Variants in MED21 observed in about 807,000 individuals in gnomAD.
The protein encoded by MED21 is mediator complex subunit 21.
Under a neutral mutation model 18.2 loss-of-function variants are expected in MED21, and 9 were observed. The ratio of observed to expected loss-of-function variants is 0.49; its 90% CI spans 0.30 to 0.86. MED21 has a LOEUF of 0.86. Ranked by LOEUF, MED21 falls within the 40% of genes least tolerant of loss-of-function variation. The probability of loss-of-function intolerance (pLI) is 0.07; values close to 1 mark genes in which losing one functional copy is unlikely to be tolerated. For missense variants in MED21, 150 were observed against 170.9 expected (o/e 0.88, Z 0.68); for synonymous variants, 73 against 60.5 (o/e 1.21, Z -0.96).
chr12:27,022,967 T>C, intron 1 of MED21: 1 of 1,100,472 alleles, frequency 9.1e-7, no homozygotes, highest in Non-Finnish European at 1.1e-6. Flanking sequence ...TTCTCTTTCT[T>C]TTGGGGGTTG....
At position 27,027,422 on chromosome 12, in the gene MED21, G is replaced by A. The variant is rs771415706; in HGVS notation, c.233G>A (p.Ser78Asn). ...DIDVLIDSLP[S>N]EESTAALQAA... is the part of the protein sequence containing the mutation. Reference sequence around the variant, plus strand: ...GATGTTTTGATAGATTCCTTACCCAGTGAAGAATCTACAGCTGCTTTACAG... The same window carrying A: ...GATGTTTTGATAGATTCCTTACCCAATGAAGAATCTACAGCTGCTTTACAG... Residue 78 changes from serine to asparagine, a missense_variant, in exon 3 of 4, where the codon AGT (serine) becomes AAT (asparagine). Ser to Asn is a conservative substitution (Grantham distance 46). Transcript: ENST00000282892. 6.2e-7 allele frequency: 1 copy of A among 1,613,408 alleles called. No individual in the cohort carries two copies. Among genetic ancestry groups the A allele is most frequent in the East Asian group, 2.2e-5 (1 of 44,850 alleles).
chr12:27,036,380 C>G (rs1271632893), intron 2 of MED21, among the ~76,000 whole-genome samples: 1 of 152,260 alleles, frequency 6.6e-6, no homozygotes, highest in Non-Finnish European at 1.5e-5. Context: ...TTCTCCCATT[C>G]TGTAGGTTGC....
chr12:27,032,018 T>G (rs1941622752), downstream of MED21, among the ~76,000 whole-genome samples: 1 of 152,212 alleles, frequency 6.6e-6, no homozygotes, highest in South Asian at 2.1e-4. Flanking sequence ...TACCCAGCTT[T>G]GAGAGGACCA....
downstream of MED21, among the ~76,000 whole-genome samples, chr12:27,031,948 G>T (rs1941622195): frequency 6.6e-6 from 1 of 152,148 alleles, no homozygotes; most frequent in Non-Finnish European, 1.5e-5. Context: ...GGATATGACT[G>T]TTGGATTAGG....
At position 27,029,094 on chromosome 12, in the gene MED21, G is replaced by C; in HGVS notation, c.*633G>C. 3.0e-6 allele frequency: 3 copies of C among 985,356 alleles called. No homozygotes were observed. Among genetic ancestry groups the C allele is most frequent in the Non-Finnish European group, 3.6e-6 (3 of 829,890 alleles). The allele number at this position is 985,356 out of a possible 1,614,324, so 61.0% of individuals were successfully genotyped here. A position where few individuals can be genotyped will look rare whatever the true frequency, so the allele number is the denominator to read the frequency against. On this transcript the variant is annotated 3_prime_UTR_variant, in exon 4 of 4. Coordinates refer to ENST00000282892, the MANE Select transcript of MED21 (RefSeq NM_004264.5). Reference sequence around the variant, plus strand: ...AGAGAATTTCCTGGCTGTTGTGAAAGAATTTTTCTACATCCTGAACTATTT... The same window carrying C: ...AGAGAATTTCCTGGCTGTTGTGAAACAATTTTTCTACATCCTGAACTATTT...
At position 27,037,965 on chromosome 12, in the gene MED21, A is replaced by G. The variant is rs181206107; in HGVS notation, n.147-8189A>G. 1.4e-4 allele frequency: 21 copies of G among 152,316 alleles called. 1 individual carries two copies. Among genetic ancestry groups the G allele is most frequent in the Admixed American group, 1.4e-3 (21 of 15,302 alleles). The allele number at this position is 152,316 out of a possible 1,614,324, so 9.4% of individuals were successfully genotyped here. Reference sequence around the variant, plus strand: ...AGAGGAGAAACAGCAAAGAATTTTTAAAATATAAAGGGTATGTACAAAACT... The same window carrying G: ...AGAGGAGAAACAGCAAAGAATTTTTGAAATATAAAGGGTATGTACAAAACT... On this transcript the variant is annotated intron_variant and non_coding_transcript_variant, in intron 2 of 4. Transcript: ENST00000538186.
In MED21 at chr12:27,030,319, G is replaced by A. The variant is rs576198453; in HGVS notation, c.*1858G>A. 96 of 474,862 alleles carry A rather than the reference G, an allele frequency of 2.0e-4. No homozygotes were observed. The highest frequency in any genetic ancestry group is 3.1e-4 in the Non-Finnish European group (82 of 265,934). 29.4% of individuals were successfully genotyped at this position (474,862 alleles called of 1,614,324 possible). A position where few individuals can be genotyped will look rare whatever the true frequency, so the allele number is the denominator to read the frequency against. ...TAATTTTTTTTTTCTTTTTTTTTTA[G>A]AGATGGGGTCTCACTCTGTTGCCCA... On this transcript the variant is annotated 3_prime_UTR_variant, in exon 4 of 4. Coordinates refer to ENST00000282892, the MANE Select transcript of MED21 (RefSeq NM_004264.5).
Position 27,029,196 on chromosome 12 carries a change from TC to T in MED21, c.*736del. On this transcript the variant is annotated 3_prime_UTR_variant, in exon 4 of 4. Transcript: ENST00000282892. ...ACAATGAAGTATGTTTTTTGAATCA[TC>T]AATTCTTTCTCATTCTCCATTTATC... 2.0e-6 allele frequency: 2 copies of T among 985,422 alleles called. No individual in the cohort carries two copies. The highest frequency in any genetic ancestry group is 2.4e-6 in the Non-Finnish European group (2 of 829,892). The allele number at this position is 985,422 out of a possible 1,614,324, so 61.0% of individuals were successfully genotyped here.
At position 27,028,922 on chromosome 12, in the gene MED21, A is replaced by G; in HGVS notation, c.*461A>G. On this transcript the variant is annotated 3_prime_UTR_variant, in exon 4 of 4. Transcript: ENST00000282892. Reference sequence around the variant, plus strand: ...TGTGTAAATCTGAGCTTTGAGCAAGAAAGTTTTGGAAATTGTGTTGCTTTT... The same window carrying G: ...TGTGTAAATCTGAGCTTTGAGCAAGGAAGTTTTGGAAATTGTGTTGCTTTT... The G allele has an allele frequency of 1.0e-6, 1 of 985,668 alleles. No homozygotes were observed. Among genetic ancestry groups the G allele is most frequent in the South Asian group, 4.7e-5 (1 of 21,300 alleles). 61.1% of individuals were successfully genotyped at this position (985,668 alleles called of 1,614,324 possible). A position where few individuals can be genotyped will look rare whatever the true frequency, so the allele number is the denominator to read the frequency against.
At position 27,029,749 on chromosome 12, in the gene MED21, G is replaced by A. The variant is rs1455030547; in HGVS notation, c.*1288G>A. 1.0e-6 allele frequency: 1 copy of A among 984,376 alleles called. No individual in the cohort carries two copies. Among genetic ancestry groups the A allele is most frequent in the African/African-American group, 1.7e-5 (1 of 57,212 alleles). 61.0% of individuals were successfully genotyped at this position (984,376 alleles called of 1,614,324 possible). ...GTTTATTAAAAACACTTTGCTATCAGATATTTGGCATAAATCTGTACTCTT... is the reference window on the plus strand; with the variant it reads ...GTTTATTAAAAACACTTTGCTATCAAATATTTGGCATAAATCTGTACTCTT... On this transcript the variant is annotated 3_prime_UTR_variant, in exon 4 of 4. Transcript: ENST00000282892.
At chr12:27,023,448 C>T (rs896517278) in intron 1 of MED21, among the ~76,000 whole-genome samples, 1 of 151,970 alleles carries the variant, frequency 6.6e-6, no homozygotes, top group Non-Finnish European at 1.5e-5. Context: ...AGGCGCCCTC[C>T]ACCACGCCCG....
At chr12:27,028,224 T>A (rs1053242922) in intron 3 of MED21, 61 bp from the exon 4 acceptor site, 1 of 1,464,946 alleles carries the variant, frequency 6.8e-7, no homozygotes, top group Non-Finnish European at 9.1e-7. Flanking sequence ...TAAAAATAAG[T>A]ACATCTGTGA....
In MED21 at chr12:27,028,821, C is replaced by T; in HGVS notation, c.*360C>T. 2 of 995,592 alleles carry T rather than the reference C, an allele frequency of 2.0e-6. No homozygotes were observed. The highest frequency in any genetic ancestry group is 1.7e-5 in the African/African-American group (1 of 57,666). 61.7% of individuals were successfully genotyped at this position (995,592 alleles called of 1,614,324 possible). On this transcript the variant is annotated 3_prime_UTR_variant, in exon 4 of 4. Coordinates refer to ENST00000282892, the MANE Select transcript of MED21 (RefSeq NM_004264.5). ...TTACAAATCAAAACATCTCTCAAGC[C>T]AAAGGAGAAGACAGTAAGAACAGAC...
chr12:27,024,135 G>T (rs1185504649), intron 1 of MED21, among the ~76,000 whole-genome samples: 1 of 152,216 alleles, frequency 6.6e-6, no homozygotes, highest in East Asian at 1.9e-4. Context: ...GCGGCAATGG[G>T]TGTACTTATT....
At position 27,028,971 on chromosome 12, in the gene MED21, G is replaced by T; in HGVS notation, c.*510G>T. On this transcript the variant is annotated 3_prime_UTR_variant, in exon 4 of 4. Coordinates refer to ENST00000282892, the MANE Select transcript of MED21 (RefSeq NM_004264.5). ...TTAAGAAATAGAGTTAGTGTGGCTGGATAAGAAAGTCACATTTATGCAAAT... is the reference window on the plus strand; with the variant it reads ...TTAAGAAATAGAGTTAGTGTGGCTGTATAAGAAAGTCACATTTATGCAAAT... 2 of 985,476 alleles carry T rather than the reference G, an allele frequency of 2.0e-6. No homozygotes were observed. Among genetic ancestry groups the T allele is most frequent in the Non-Finnish European group, 2.4e-6 (2 of 829,986 alleles). 61.0% of individuals were successfully genotyped at this position (985,476 alleles called of 1,614,324 possible). A position where few individuals can be genotyped will look rare whatever the true frequency, so the allele number is the denominator to read the frequency against.
rs368254223 is a variant in MED21 at position 27,037,798 on chromosome 12, T to C, written n.147-8356T>C. The C allele has an allele frequency of 3.9e-5, 6 of 152,376 alleles. No individual in the cohort carries two copies. In the East Asian group the frequency reaches 5.8e-4, roughly 15 times the overall value. 9.4% of individuals were successfully genotyped at this position (152,376 alleles called of 1,614,324 possible). On this transcript the variant is annotated intron_variant and non_coding_transcript_variant, in intron 2 of 4. Coordinates refer to the MED21 transcript ENST00000538186. ...TAAAATAATGACGTGTTTTAAAATT[T>C]ATAGAATCTTTGATTTGATCAAATA... is the stretch of plus-strand genomic sequence containing the variant.
chr12:27,024,945 T>A (rs949026998), intron 1 of MED21, among the ~76,000 whole-genome samples: 1 of 152,242 alleles, frequency 6.6e-6, no homozygotes, highest in African/African-American at 2.4e-5. Context: ...TCAGAATTAT[T>A]TGTATAACTT....
At chr12:27,031,863 A>G (rs1238609210), downstream of MED21, among the ~76,000 whole-genome samples, 1 of 152,128 alleles carries the variant, frequency 6.6e-6, no homozygotes, top group Non-Finnish European at 1.5e-5. Flanking sequence ...TTGCTAAATG[A>G]GGTTATTGTA....
At chr12:27,025,483 AAAC>A (rs1941531761) in intron 1 of MED21, among the ~76,000 whole-genome samples, 1 of 152,210 alleles carries the variant, frequency 6.6e-6, no homozygotes, top group Non-Finnish European at 1.5e-5. Flanking sequence ...GTGAACTGGA[AAAC>A]AACAAGAAGA....
Sources: gnomAD v4.1 joint callset for allele counts (sites outside exome capture counted in the v4.1 genomes callset) on GRCh38, gnomAD v4.1.1 for gene constraint, MANE v1.5 for transcripts, NCBI Gene and HGNC (gene_info 2026-07-23, HGNC 2026-07-21) for gene names.